DPP10: variants seen among roughly 807,000 people sequenced by gnomAD.
DPP10 encodes the protein inactive dipeptidyl peptidase 10.
A neutral mutation model predicts 120.9 loss-of-function variants in DPP10; 33 were observed. The observed-to-expected ratio is 0.27, with a 90% CI of 0.21 to 0.37. The LOEUF (loss-of-function observed/expected upper bound fraction) is 0.37. Ranked by LOEUF, DPP10 falls within the 10% of genes least tolerant of loss-of-function variation. The pLI is 1.00. For synonymous variants in DPP10, 337 were observed against 326.1 expected (o/e 1.03, Z -0.36); for missense variants, 816 against 942.8 (o/e 0.87, Z 1.76).
chr2:114,729,214 A>G lies in DPP10; in HGVS notation c.60+286376A>G, dbSNP rs1050612531. Among the ~76,000 whole-genome samples, 6 of 152,358 alleles carry G rather than the reference A, an allele frequency of 3.9e-5. No homozygotes were observed. The South Asian group carries it at 1.2e-3, about 32-fold the overall frequency. On this transcript the variant is annotated intron_variant, in intron 1 of 25. Coordinates refer to ENST00000410059, the MANE Select transcript of DPP10 (RefSeq NM_020868.6). ...ACCTAATGCATTCAACCAAAAGCAA[A>G]ACTTTTAATACACATTTCCAGTTGA...
intron 4 of DPP10, among the ~76,000 whole-genome samples, chr2:115,508,326 A>T (rs2077055132): frequency 6.6e-6 from 1 of 152,106 alleles, no homozygotes; most frequent in Admixed American, 6.6e-5. Flanking sequence ...ACTACAGCTG[A>T]AGATACAATA....
intron 5 of DPP10, among the ~76,000 whole-genome samples, chr2:115,569,658 GA>G (rs2081226774): frequency 6.6e-6 from 1 of 152,168 alleles, no homozygotes; most frequent in Non-Finnish European, 1.5e-5. Context: ...ATTTTCACCT[GA>G]TAACCTTTAT....
At chr2:115,247,342 C>T (rs2058579633) in intron 1 of DPP10, among the ~76,000 whole-genome samples, 2 of 152,140 alleles carry the variant, frequency 1.3e-5, no homozygotes, top group South Asian at 4.1e-4. Flanking sequence ...GTGGCAGTTA[C>T]ACTTGTGGGA....
intron 1 of DPP10, among the ~76,000 whole-genome samples, chr2:114,971,982 C>A (rs1699430310): frequency 6.6e-6 from 1 of 152,068 alleles, no homozygotes; most frequent in South Asian, 2.1e-4. Flanking sequence ...GTGTGTCATC[C>A]TTTATAGTAG....
At chr2:115,065,732 A>G (rs1706781657) in intron 1 of DPP10, 1 of 152,008 alleles carries the variant, frequency 6.6e-6, no homozygotes, top group Non-Finnish European at 1.5e-5. Flanking sequence ...TTTCATTTCA[A>G]GGGATTTTGG....
intron 1 of DPP10, among the ~76,000 whole-genome samples, chr2:114,796,961 C>G (rs1423261407): frequency 6.6e-6 from 1 of 152,120 alleles, no homozygotes; most frequent in Admixed American, 6.5e-5. Flanking sequence ...TAGGTAGAGG[C>G]TTAGGTGGTT....
intron 1 of DPP10, among the ~76,000 whole-genome samples, chr2:115,206,716 T>C (rs542907551): frequency 6.6e-6 from 1 of 152,314 alleles, no homozygotes; most frequent in South Asian, 2.1e-4. Context: ...TCCATTTAGC[T>C]TGGTTTACTC....
chr2:114,993,757 A>G (rs1047079462), intron 1 of DPP10, among the ~76,000 whole-genome samples: 3 of 151,824 alleles, frequency 2.0e-5, no homozygotes, highest in Admixed American at 6.6e-5. Context: ...CTATGTGCCC[A>G]TGTGCATGTA....
At chr2:115,316,725 C>G (rs985394461) in intron 2 of DPP10, among the ~76,000 whole-genome samples, 3 of 151,958 alleles carry the variant, frequency 2.0e-5, no homozygotes, top group Non-Finnish European at 4.4e-5. Flanking sequence ...TTTCTTCTTC[C>G]TAATAGAAAT....
intron 3 of DPP10, among the ~76,000 whole-genome samples, chr2:115,462,855 C>T (rs1274912511): frequency 6.6e-6 from 1 of 151,910 alleles, no homozygotes; most frequent in African/African-American, 2.4e-5. Context: ...TCAGCCTCCC[C>T]AGTAGCTGTG....
At chr2:114,960,298 G>T (rs1698512628) in intron 1 of DPP10, among the ~76,000 whole-genome samples, 1 of 151,030 alleles carries the variant, frequency 6.6e-6, no homozygotes, top group Non-Finnish European at 1.5e-5. Context: ...ACTTCCAAAA[G>T]AAAATGATAG....
chr2:115,513,739 TATA>T (rs1022740799), intron 4 of DPP10, among the ~76,000 whole-genome samples: 6 of 152,140 alleles, frequency 3.9e-5, no homozygotes, highest in African/African-American at 7.2e-5. Flanking sequence ...AACACGCTTT[TATA>T]ATAATTGTTT....
intron 2 of DPP10, among the ~76,000 whole-genome samples, chr2:115,323,417 G>T (rs2062169140): frequency 6.6e-6 from 1 of 152,110 alleles, no homozygotes; most frequent in Non-Finnish European, 1.5e-5. Context: ...CTGAAGTCTT[G>T]AACCTCTCAA....
chr2:114,989,152 G>A (rs1419301515), intron 1 of DPP10, among the ~76,000 whole-genome samples: 1 of 152,068 alleles, frequency 6.6e-6, no homozygotes, highest in Non-Finnish European at 1.5e-5. Context: ...TGCTTTAAAT[G>A]TTGTTTTCCT....
intron 1 of DPP10, among the ~76,000 whole-genome samples, chr2:115,305,753 A>T (rs1157769745): frequency 6.6e-6 from 1 of 151,738 alleles, no homozygotes; most frequent in Non-Finnish European, 1.5e-5. Context: ...ACATTTTTTT[A>T]AATTAAAAAA....
At chr2:114,651,682 T>C (rs1319840324) in intron 1 of DPP10, among the ~76,000 whole-genome samples, 1 of 152,138 alleles carries the variant, frequency 6.6e-6, no homozygotes, top group African/African-American at 2.4e-5. Context: ...GGCTCCCCTC[T>C]AGACAAATCA....
intron 1 of DPP10, among the ~76,000 whole-genome samples, chr2:114,643,063 A>AT (rs990632989): frequency 1.3e-5 from 2 of 151,708 alleles, no homozygotes; most frequent in African/African-American, 4.9e-5. Flanking sequence ...ACTCAAACAA[A>AT]TTTTTTTTCA....
intron 1 of DPP10, among the ~76,000 whole-genome samples, chr2:115,242,441 T>C (rs1478871531): frequency 6.6e-6 from 1 of 152,194 alleles, no homozygotes; most frequent in Non-Finnish European, 1.5e-5. Flanking sequence ...TCCATATTTC[T>C]GCAATTGCAA....
chr2:115,312,672 C>T (rs930927015), intron 2 of DPP10, among the ~76,000 whole-genome samples: 1 of 152,144 alleles, frequency 6.6e-6, no homozygotes, highest in Non-Finnish European at 1.5e-5. Context: ...CTTGAGTTCT[C>T]TCAGCTGTGC....
Sources: allele counts gnomAD v4.1 joint callset (sites outside exome capture counted in the v4.1 genomes callset), GRCh38; gene constraint gnomAD v4.1.1; transcripts MANE v1.5; gene names NCBI Gene and HGNC (gene_info 2026-07-23, HGNC 2026-07-21).